The following MLLT3 variants were observed in gnomAD, a reference collection of about 807,000 sequenced individuals.
The protein encoded by MLLT3 is protein AF-9.
A neutral mutation model predicts 53.2 loss-of-function variants in MLLT3; 4 were observed. The observed-to-expected ratio is 0.08, with a 90% confidence interval of 0.04 to 0.17. The LOEUF (loss-of-function observed/expected upper bound fraction) is 0.17, where lower values mean the gene tolerates loss of function less well. Ranked by LOEUF, MLLT3 falls within the 10% of genes least tolerant of loss-of-function variation. MLLT3 has a pLI of 1.00. For missense variants in MLLT3, 569 were observed against 684.0 expected (o/e 0.83, Z 1.87); for synonymous variants, 283 against 230.6 (o/e 1.23, Z -2.06).
intron 4 of MLLT3, among the ~76,000 whole-genome samples, chr9:20,427,480 A>G (rs1469924169): frequency 1.3e-5 from 2 of 152,048 alleles, no homozygotes; most frequent in East Asian, 3.8e-4. Context: ...GGAGAACAGA[A>G]TAAAAATAAC....
At chr9:20,489,004 T>G (rs1158995580) in intron 2 of MLLT3, among the ~76,000 whole-genome samples, 1 of 152,134 alleles carries the variant, frequency 6.6e-6, no homozygotes, top group Non-Finnish European at 1.5e-5. Flanking sequence ...TCTGTCTTCT[T>G]GGGGGGAAGA....
At chr9:20,580,689 T>C (rs1819768887) in intron 2 of MLLT3, among the ~76,000 whole-genome samples, 1 of 152,204 alleles carries the variant, frequency 6.6e-6, no homozygotes, top group Non-Finnish European at 1.5e-5. Context: ...GGCTTATCAA[T>C]GTTTTCTTCA....
chr9:20,580,864 TACA>T (rs1444883326), intron 2 of MLLT3, among the ~76,000 whole-genome samples: 2 of 152,184 alleles, frequency 1.3e-5, no homozygotes, highest in African/African-American at 2.4e-5. Flanking sequence ...GAACCAGAAC[TACA>T]ACAATTTACA....
Position 20,622,457 on chromosome 9 carries a change from AAGC to A in MLLT3, c.-204_-202del, listed in dbSNP as rs553374979. 124 of 534,112 alleles carry A rather than the reference AAGC, an allele frequency of 2.3e-4. No homozygotes were observed. Among genetic ancestry groups the A allele is most frequent in the South Asian group, 6.1e-4 (23 of 37,628 alleles). The allele number at this position is 534,112 out of a possible 1,614,324, so 33.1% of individuals were successfully genotyped here. A position where few individuals can be genotyped will look rare whatever the true frequency, so the allele number is the denominator to read the frequency against. Reference sequence around the variant, plus strand: ...TTATTAAACTCAGCCCCAAAAGCAAAAGCAGCAGCAGCAGCAGCAGCTCCAGGG... The same window carrying A: ...TTATTAAACTCAGCCCCAAAAGCAAAAGCAGCAGCAGCAGCAGCTCCAGGG... On this transcript the variant is annotated 5_prime_UTR_variant, in exon 1 of 11. Coordinates refer to ENST00000380338, the MANE Select transcript of MLLT3 (RefSeq NM_004529.4).
At chr9:20,375,610 C>CT (rs1307638910) in intron 5 of MLLT3, among the ~76,000 whole-genome samples, 2,288 of 94,742 alleles carry the variant, frequency 0.024, 22 homozygotes, top group Middle Eastern at 0.05. Context: ...TTTTTCTTTT[C>CT]TTTTTTTTTT....
chr9:20,594,090 A>AC (rs1744517074), intron 2 of MLLT3, among the ~76,000 whole-genome samples: 3 of 151,704 alleles, frequency 2.0e-5, no homozygotes, highest in Non-Finnish European at 4.4e-5. Context: ...ACAGACACCC[A>AC]CCACCACACC....
chr9:20,496,011 A>T (rs577725578), intron 2 of MLLT3, among the ~76,000 whole-genome samples: 1 of 152,282 alleles, frequency 6.6e-6, no homozygotes, highest in Admixed American at 6.5e-5. Flanking sequence ...ACAAAAGTAC[A>T]ATTTGCAGAA....
intron 2 of MLLT3, among the ~76,000 whole-genome samples, chr9:20,497,754 T>C (rs1825114772): frequency 6.6e-6 from 1 of 152,176 alleles, no homozygotes; most frequent in Admixed American, 6.5e-5. Flanking sequence ...AAAAAAAAGT[T>C]CTTATGAACT....
intron 4 of MLLT3, among the ~76,000 whole-genome samples, chr9:20,426,103 A>T (rs1823133490): frequency 6.6e-6 from 1 of 152,026 alleles, no homozygotes; most frequent in African/African-American, 2.4e-5. Context: ...AAATTCTCCT[A>T]TTTATATATA....
chr9:20,346,313 T>G lies in MLLT3; in HGVS notation c.*130A>C. Reference sequence around the variant, plus strand: ...AAGCTGAAGGTTGTTTGATTTTTATTTTTTCCCTTTTGGTTGCATCATTTT... The same window carrying G: ...AAGCTGAAGGTTGTTTGATTTTTATGTTTTCCCTTTTGGTTGCATCATTTT... On this transcript the variant is annotated 3_prime_UTR_variant, in exon 11 of 11. Transcript: ENST00000380338. The G allele has an allele frequency of 1.1e-6, 1 of 950,830 alleles. No individual in the cohort carries two copies. The highest frequency in any genetic ancestry group is 1.5e-6 in the Non-Finnish European group (1 of 669,342). 58.9% of individuals were successfully genotyped at this position (950,830 alleles called of 1,614,324 possible).
chr9:20,583,015 G>A (rs1405841650), intron 2 of MLLT3, among the ~76,000 whole-genome samples: 1 of 152,080 alleles, frequency 6.6e-6, no homozygotes, highest in African/African-American at 2.4e-5. Flanking sequence ...ACAGTCCAAA[G>A]TCTCATGTGA....
intron 2 of MLLT3, among the ~76,000 whole-genome samples, chr9:20,571,247 C>G (rs1330112680): frequency 2.0e-5 from 3 of 152,216 alleles, no homozygotes; most frequent in Non-Finnish European, 4.4e-5. Context: ...AAAAGCAAAA[C>G]TACACAATGG....
chr9:20,356,201 A>G (rs2118616943), intron 8 of MLLT3, among the ~76,000 whole-genome samples: 1 of 152,360 alleles, frequency 6.6e-6, no homozygotes, highest in Non-Finnish European at 1.5e-5. Context: ...ATAATGCACG[A>G]GTAAAAAGTG....
At chr9:20,368,120 C>T (rs1414516799) in intron 5 of MLLT3, among the ~76,000 whole-genome samples, 2 of 152,214 alleles carry the variant, frequency 1.3e-5, no homozygotes, top group Non-Finnish European at 2.9e-5. Flanking sequence ...TTACACATTG[C>T]TGTTTGTGGG....
chr9:20,493,790 G>A (rs1825011556), intron 2 of MLLT3, among the ~76,000 whole-genome samples: 1 of 152,066 alleles, frequency 6.6e-6, no homozygotes, highest in Non-Finnish European at 1.5e-5. Flanking sequence ...TATAAAGTAT[G>A]TTAAGTTTTT....
intron 2 of MLLT3, among the ~76,000 whole-genome samples, chr9:20,514,225 A>T (rs1026994556): frequency 6.6e-6 from 1 of 152,186 alleles, no homozygotes; most frequent in Non-Finnish European, 1.5e-5. Context: ...CTAAGGAAAC[A>T]GTGGGTTCAG....
chr9:20,483,592 C>T (rs1824722653), intron 2 of MLLT3, among the ~76,000 whole-genome samples: 1 of 151,600 alleles, frequency 6.6e-6, no homozygotes, highest in Admixed American at 6.6e-5. Flanking sequence ...AAGGAGAGAA[C>T]CACCAGCAAA....
chr9:20,621,673 G>T lies in MLLT3; in HGVS notation c.12+572C>A. On this transcript the variant is annotated intron_variant, in intron 1 of 10. Coordinates refer to ENST00000380338, the MANE Select transcript of MLLT3 (RefSeq NM_004529.4). The surrounding 1 kb of genome is among the most constrained non-coding windows in gnomAD (Gnocchi z 7.0). ...GCGGACAGCCGCCGAGCCTCGGCTC[G>T]CGCTCAGCACCTCCCGGCGCTGGGG... is the stretch of plus-strand genomic sequence containing the variant. 8.2e-7 allele frequency: 1 copy of T among 1,215,928 alleles called. No individual in the cohort carries two copies. Among genetic ancestry groups the T allele is most frequent in the Non-Finnish European group, 1.1e-6 (1 of 906,826 alleles). The allele number at this position is 1,215,928 out of a possible 1,614,324, so 75.3% of individuals were successfully genotyped here.
chr9:20,558,388 G>T (rs1269587007), intron 2 of MLLT3, among the ~76,000 whole-genome samples: 1 of 152,070 alleles, frequency 6.6e-6, no homozygotes, highest in Non-Finnish European at 1.5e-5. Context: ...CTGCCTGCCT[G>T]CCTCAGCCTC....
Sources: gnomAD v4.1 joint callset for allele counts (sites outside exome capture counted in the v4.1 genomes callset) on GRCh38, gnomAD v4.1.1 for gene constraint, Gnocchi (gnomAD v3.1) non-coding constraint, MANE v1.5 for transcripts, NCBI Gene and HGNC (gene_info 2026-07-23, HGNC 2026-07-21) for gene names.